The following XYLT1 variants were observed in gnomAD, a reference collection of about 807,000 sequenced individuals.
XYLT1 encodes xylosyltransferase 1.
XYLT1 carries 36 observed loss-of-function variants against 91.3 expected under a neutral mutation model. That is an observed-to-expected ratio of 0.39 (90% confidence interval 0.30 to 0.52). The LOEUF is 0.52. Among genes scored for constraint, XYLT1 ranks in the 20% least tolerant of loss-of-function variants. The pLI is 0.68. For missense variants in XYLT1, 1,242 were observed against 1,284.5 expected (o/e 0.97, Z 0.51); for synonymous variants, 588 against 532.0 (o/e 1.11, Z -1.45).
intron 5 of XYLT1, among the ~76,000 whole-genome samples, chr16:17,172,050 T>C (rs2031831912): frequency 6.6e-6 from 1 of 152,208 alleles, no homozygotes; most frequent in African/African-American, 2.4e-5. Flanking sequence ...ATGACATGCC[T>C]TGTGGAGTTG....
chr16:17,136,579 T>G (rs908692957), intron 8 of XYLT1, among the ~76,000 whole-genome samples: 1 of 152,182 alleles, frequency 6.6e-6, no homozygotes, highest in African/African-American at 2.4e-5. Context: ...AGGCTGCTCT[T>G]TGATTATTAT....
Position 17,375,438 on chromosome 16 carries a change from A to T in XYLT1, c.364-17388T>A, listed in dbSNP as rs536502486. On this transcript the variant is annotated intron_variant, in intron 1 of 11. Transcript: ENST00000261381. ...AAAAACCCTGTCGCAATGCAAAAAA[A>T]AAAATAAAATTTTAGCTGTTTCTTG... is the stretch of plus-strand genomic sequence containing the variant. Among the ~76,000 whole-genome samples, 303 of 148,908 alleles carry T rather than the reference A, an allele frequency of 2.0e-3. 1 individual carries two copies. Among genetic ancestry groups the T allele is most frequent in the Non-Finnish European group, 3.3e-3 (220 of 66,924 alleles).
intron 2 of XYLT1, among the ~76,000 whole-genome samples, chr16:17,351,089 T>C (rs2035213617): frequency 6.6e-6 from 1 of 152,194 alleles, no homozygotes; most frequent in South Asian, 2.1e-4. Flanking sequence ...AACCATCTCC[T>C]GATGAGGTTT....
intron 1 of XYLT1, 112 bp downstream of exon 1, chr16:17,470,322 T>G: frequency 8.6e-7 from 1 of 1,165,890 alleles, no homozygotes; most frequent in Non-Finnish European, 1.1e-6. Flanking sequence ...GTGGAGTCGG[T>G]AGGCTTGCAG....
intron 1 of XYLT1, among the ~76,000 whole-genome samples, chr16:17,428,186 G>T (rs2036342296): frequency 6.6e-6 from 1 of 152,152 alleles, no homozygotes; most frequent in African/African-American, 2.4e-5. Context: ...GGTTCGCCAT[G>T]TTGGCCAGGC....
intron 1 of XYLT1, among the ~76,000 whole-genome samples, chr16:17,459,696 C>T (rs2036789847): frequency 6.6e-6 from 1 of 152,150 alleles, no homozygotes. Flanking sequence ...TGATTTTTTG[C>T]AATGTTCTTG....
intron 5 of XYLT1, among the ~76,000 whole-genome samples, chr16:17,196,608 A>AT (rs926844227): frequency 6.6e-6 from 1 of 152,054 alleles, no homozygotes; most frequent in Non-Finnish European, 1.5e-5. Context: ...TAAAAGTTTT[A>AT]TTTTTTTAGG....
At chr16:17,420,910 T>C (rs1032993737) in intron 1 of XYLT1, among the ~76,000 whole-genome samples, 3 of 152,222 alleles carry the variant, frequency 2.0e-5, no homozygotes, top group African/African-American at 7.2e-5. Context: ...AGATTTCTAA[T>C]GCTTGGATGG....
chr16:17,151,333 C>T (rs568725539), intron 6 of XYLT1, among the ~76,000 whole-genome samples: 8 of 152,174 alleles, frequency 5.3e-5, no homozygotes, highest in Non-Finnish European at 1.0e-4. Context: ...GACTGAGACA[C>T]GAGAATCGCT....
intron 10 of XYLT1, among the ~76,000 whole-genome samples, chr16:17,127,193 G>C (rs772502915): frequency 7.9e-5 from 12 of 152,146 alleles, no homozygotes; most frequent in Non-Finnish European, 1.3e-4. Flanking sequence ...TTCAGTGATT[G>C]ATCTGGTACT....
At chr16:17,378,924 T>C (rs2035636671) in intron 1 of XYLT1, among the ~76,000 whole-genome samples, 1 of 152,202 alleles carries the variant, frequency 6.6e-6, no homozygotes, top group Non-Finnish European at 1.5e-5. Flanking sequence ...AATTTAACTT[T>C]TACCACAAGG....
intron 2 of XYLT1, among the ~76,000 whole-genome samples, chr16:17,304,483 TTTGGACC>T (rs2034443778): frequency 2.6e-5 from 3 of 116,046 alleles, no homozygotes; most frequent in South Asian, 5.4e-4. Flanking sequence ...ATTTGGACCA[TTTGGACC>T]GCGCAGGGGA....
intron 1 of XYLT1, among the ~76,000 whole-genome samples, chr16:17,469,110 G>GGACT (rs1282447103): frequency 1.1e-4 from 16 of 152,266 alleles, no homozygotes; most frequent in African/African-American, 3.6e-4. Flanking sequence ...TCACGTCTTG[G>GGACT]GACTGGCTCA....
At chr16:17,141,458 G>A (rs1356302752) in intron 6 of XYLT1, 89 bp from the exon 7 acceptor site, 3 of 1,302,352 alleles carry the variant, frequency 2.3e-6, no homozygotes, top group East Asian at 2.5e-5. Flanking sequence ...CAATCATAGC[G>A]ATGATGGCAA....
chr16:17,145,182 T>G (rs1170822650), intron 6 of XYLT1, among the ~76,000 whole-genome samples: 4 of 152,264 alleles, frequency 2.6e-5, no homozygotes, highest in African/African-American at 9.6e-5. Context: ...TCATCCATGC[T>G]GCAGCAGGTA....
chr16:17,219,865 C>A (rs2032934814), intron 3 of XYLT1, among the ~76,000 whole-genome samples: 1 of 152,082 alleles, frequency 6.6e-6, no homozygotes, highest in Non-Finnish European at 1.5e-5. Context: ...TCCGTCTCTA[C>A]TAGAAATACA....
intron 6 of XYLT1, among the ~76,000 whole-genome samples, chr16:17,145,706 GAA>G (rs2031113840): frequency 6.6e-6 from 1 of 152,158 alleles, no homozygotes; most frequent in Admixed American, 6.5e-5. Flanking sequence ...ACTTGCATTT[GAA>G]AAAGTCCTAA....
intron 2 of XYLT1, among the ~76,000 whole-genome samples, chr16:17,278,400 C>A (rs2034009688): frequency 6.6e-6 from 1 of 152,204 alleles, no homozygotes; most frequent in Non-Finnish European, 1.5e-5. Context: ...CCGAGAAGTT[C>A]TTCTTCATTG....
At chr16:17,295,331 G>GT (rs371795619) in intron 2 of XYLT1, among the ~76,000 whole-genome samples, 1 of 109,914 alleles carries the variant, frequency 9.1e-6, no homozygotes, top group African/African-American at 5.2e-5. Context: ...ATAGAGCCAG[G>GT]TTTTTGTTTT....
Sources: gnomAD v4.1 joint callset for allele counts (sites outside exome capture counted in the v4.1 genomes callset) on GRCh38, gnomAD v4.1.1 for gene constraint, MANE v1.5 for transcripts, NCBI Gene and HGNC (gene_info 2026-07-23, HGNC 2026-07-21) for gene names.